Variants in LRP2 observed in about 807,000 individuals in gnomAD.
LRP2 encodes LDL receptor related protein 2.
LRP2 carries 172 observed loss-of-function variants against 531.0 expected under a neutral mutation model. The observed-to-expected ratio is 0.32, with a 90% CI of 0.29 to 0.37. The LOEUF is 0.37. Among genes scored for constraint, LRP2 ranks in the 10% least tolerant of loss-of-function variants. The pLI is 1.00. For synonymous variants in LRP2, 1,992 were observed against 2,027.6 expected, an observed-to-expected ratio of 0.98 and a Z score of 0.47; for missense variants, 5,167 against 5,868.3, an observed-to-expected ratio of 0.88 and a Z score of 3.90.
intron 65 of LRP2, among the ~76,000 whole-genome samples, chr2:169,155,725 C>T (rs902680847): frequency 5.3e-5 from 8 of 152,126 alleles, no homozygotes; most frequent in Non-Finnish European, 7.3e-5. Context: ...CAACCTAAAA[C>T]GTAAAACTCA....
At chr2:169,332,913 T>C (rs1397668000) in intron 1 of LRP2, among the ~76,000 whole-genome samples, 1 of 152,240 alleles carries the variant, frequency 6.6e-6, no homozygotes, top group Non-Finnish European at 1.5e-5. Flanking sequence ...GTTCATTCGT[T>C]AGATGAATAA....
Position 169,243,420 on chromosome 2 carries a change from G to A in LRP2, c.3533C>T (p.Ser1178Phe). The change falls in exon 23 of 79, where the codon TCT (serine) becomes TTT (phenylalanine). Residue 1178 changes from serine to phenylalanine, a missense_variant. Coordinates refer to ENST00000649046, the MANE Select transcript of LRP2 (RefSeq NM_004525.3). ...CDGDKDCVDGSDEVGCVLNCT... is the reference protein window; with the variant it reads ...CDGDKDCVDGFDEVGCVLNCT... ...GCACTTACCACAACCAACCTCATCAGATCCATCAACACAATCCTTGTCACC... is the reference window on the plus strand; with the variant it reads ...GCACTTACCACAACCAACCTCATCAAATCCATCAACACAATCCTTGTCACC... The A allele has an allele frequency of 6.2e-7, 1 of 1,614,072 alleles. No individual in the cohort carries two copies.
At chr2:169,361,904 T>G (rs904006769) in intron 1 of LRP2, among the ~76,000 whole-genome samples, 1 of 152,186 alleles carries the variant, frequency 6.6e-6, no homozygotes, top group South Asian at 2.1e-4. Flanking sequence ...GGAGGGGCGC[T>G]GCAGGTGGAA....
In LRP2 at chr2:169,197,037, G is replaced by A. The variant is rs780683166; in HGVS notation, c.8579-7C>T. 1.9e-6 allele frequency: 3 copies of A among 1,613,314 alleles called. No individual in the cohort carries two copies. The African/African-American group carries it at 4.0e-5, about 22-fold the overall frequency. The stretch of plus-strand genomic sequence containing the variant: ...CTGCTGCACGTGTGAGTGGCTGCAG[G>A]AGGGAAAGAAGATAAAACCCATGAG... On this transcript the variant is annotated splice_polypyrimidine_tract_variant and splice_region_variant and intron_variant, in intron 45 of 78. Transcript: ENST00000649046.
At chr2:169,314,601 C>A (rs540709039) in intron 3 of LRP2, among the ~76,000 whole-genome samples, 1 of 152,280 alleles carries the variant, frequency 6.6e-6, no homozygotes, top group African/African-American at 2.4e-5. Context: ...TTCCTTCTTT[C>A]TGTTTAATTA....
At chr2:169,187,479 G>C (rs997754350) in intron 49 of LRP2, among the ~76,000 whole-genome samples, 4 of 152,190 alleles carry the variant, frequency 2.6e-5, no homozygotes, top group Non-Finnish European at 4.4e-5. Flanking sequence ...CAATATTATG[G>C]AGTTCAAGAT....
At chr2:169,200,020 G>A (rs1433477301) in intron 44 of LRP2, among the ~76,000 whole-genome samples, 1 of 152,190 alleles carries the variant, frequency 6.6e-6, no homozygotes, top group African/African-American at 2.4e-5. Flanking sequence ...GGAGGCCAAG[G>A]TGGGCGGATC....
intron 52 of LRP2, among the ~76,000 whole-genome samples, chr2:169,180,188 G>A (rs1457038466): frequency 6.6e-6 from 1 of 152,178 alleles, no homozygotes; most frequent in African/African-American, 2.4e-5. Context: ...TTAGAAAGTT[G>A]TTGAAGCTTC....
chr2:169,334,676 G>C (rs755881352), intron 1 of LRP2, among the ~76,000 whole-genome samples: 9 of 152,148 alleles, frequency 5.9e-5, no homozygotes, highest in Middle Eastern at 3.2e-3. Flanking sequence ...AGTTCCATGA[G>C]GGCAGGAACT....
chr2:169,132,835 AG>A (rs1459404200), intron 76 of LRP2, among the ~76,000 whole-genome samples, 154 bp from the exon 77 acceptor site: 1 of 152,162 alleles, frequency 6.6e-6, no homozygotes, highest in African/African-American at 2.4e-5. Flanking sequence ...CCAGTAGGCC[AG>A]GACTAAACAT....
At chr2:169,175,140 G>A (rs1285218460) in intron 55 of LRP2, 53 bp downstream of exon 55, 22 of 1,548,740 alleles carry the variant, frequency 1.4e-5, no homozygotes, top group Middle Eastern at 1.7e-4. Context: ...AATCATGATC[G>A]TATACAATCA....
At chr2:169,235,804 G>A (rs535859809) in intron 29 of LRP2, 36 bp downstream of exon 29, 54 of 1,482,114 alleles carry the variant, frequency 3.6e-5, no homozygotes, top group East Asian at 1.6e-4. Context: ...ATCCACGACT[G>A]TAGTTTTAAT....
In LRP2 at chr2:169,289,192, A is replaced by G. The variant is rs762604505; in HGVS notation, c.923-47T>C. 1.9e-6 allele frequency: 3 copies of G among 1,611,112 alleles called. No individual in the cohort carries two copies. In the South Asian group the frequency reaches 3.3e-5, roughly 18 times the overall value. ...GTTAAATGAATGGTGACCTCTGGAC[A>G]AGACTGATTAATCTAATAGCTTCTT... is the stretch of plus-strand genomic sequence containing the variant. On this transcript the variant is annotated intron_variant, in intron 8 of 78. Transcript: ENST00000649046.
rs1685368210 is a variant in LRP2 at position 169,133,561 on chromosome 2, A to G, written c.13621-880T>C. ...TAAAATAAACATTTCTAGTTTCTGTATTAAAATGTGCCATATCTCGAGTTC... is the reference window on the plus strand; with the variant it reads ...TAAAATAAACATTTCTAGTTTCTGTGTTAAAATGTGCCATATCTCGAGTTC... On this transcript the variant is annotated intron_variant, in intron 76 of 78. Transcript: ENST00000649046. Among the ~76,000 whole-genome samples, 4 of 149,102 alleles carry G rather than the reference A, an allele frequency of 2.7e-5. No homozygotes were observed. The South Asian group carries it at 8.8e-4, about 33-fold the overall frequency.
chr2:169,304,518 T>G (rs908378057), intron 4 of LRP2, among the ~76,000 whole-genome samples: 2 of 152,210 alleles, frequency 1.3e-5, no homozygotes, highest in South Asian at 4.1e-4. Flanking sequence ...ACATATGGTT[T>G]ATCATTATTA....
Position 169,139,338 on chromosome 2 carries a change from A to G in LRP2, c.13301T>C (p.Ile4434Thr), listed in dbSNP as rs1685636423. ...AVAVLLTILLIVVIGALAIAG... is the reference protein window; with the variant it reads ...AVAVLLTILLTVVIGALAIAG... ...AATTGCCAGAGCTCCAATTACGACGATCAAGAGGATTGTCAACAGCACAGC... is the reference window on the plus strand; with the variant it reads ...AATTGCCAGAGCTCCAATTACGACGGTCAAGAGGATTGTCAACAGCACAGC... Residue 4434 changes from isoleucine (I) to threonine (T), a missense_variant, in exon 74 of 79, where the codon ATC becomes ACC. This residue lies in a region of LRP2 where 348 missense variants were observed against 369.3 expected (regional missense o/e 0.94). Coordinates refer to ENST00000649046, the MANE Select transcript of LRP2 (RefSeq NM_004525.3). The G allele has an allele frequency of 2.5e-6, 4 of 1,614,042 alleles. No individual in the cohort carries two copies. Among genetic ancestry groups the G allele is most frequent in the Non-Finnish European group, 3.4e-6 (4 of 1,180,038 alleles).
In LRP2 at chr2:169,289,105, G is replaced by A; in HGVS notation, c.963C>T (p.Cys321=). ...LCSALNCQYQ[C]HETPYGGACF... ...ACGCTCCTCCATACGGCGTCTCATG[G>A]CACTGGTACTGGCAGTTCAAGGCAG... Residue 321 remains cysteine, a synonymous_variant, in exon 9 of 79, where the codon TGC becomes TGT. Transcript: ENST00000649046. 6.2e-7 allele frequency: 1 copy of A among 1,614,148 alleles called. No individual in the cohort carries two copies. Among genetic ancestry groups the A allele is most frequent in the Non-Finnish European group, 8.5e-7 (1 of 1,179,994 alleles).
intron 15 of LRP2, 85 bp from the exon 16 acceptor site, chr2:169,271,192 C>A (rs2105437792): frequency 4.9e-6 from 4 of 816,144 alleles, no homozygotes; most frequent in African/African-American, 1.7e-5. Context: ...ATCCACAGAG[C>A]AAACTTTAAA....
chr2:169,255,500 C>T (rs867988770), intron 19 of LRP2, among the ~76,000 whole-genome samples: 1 of 148,412 alleles, frequency 6.7e-6, no homozygotes, highest in Non-Finnish European at 1.5e-5. Context: ...TCACTAGTAG[C>T]ATGAAATTAT....
Sources: allele counts gnomAD v4.1 joint callset (sites outside exome capture counted in the v4.1 genomes callset), GRCh38; gene constraint gnomAD v4.1.1; regional missense constraint gnomAD v4.1.1; transcripts MANE v1.5; gene names NCBI Gene and HGNC (gene_info 2026-07-23, HGNC 2026-07-21).